Variants in C16orf96 observed in about 807,000 individuals in gnomAD.
The protein encoded by C16orf96 is uncharacterized protein C16orf96.
In C16orf96, 108 loss-of-function variants were observed where a neutral mutation model predicts 103.6. The ratio of observed to expected loss-of-function variants is 1.04; its 90% CI spans 0.89 to 1.22. C16orf96 has a LOEUF of 1.22. Among genes scored for constraint, C16orf96 ranks in the 50% most tolerant of loss-of-function variants. The pLI is 0.00. For synonymous variants in C16orf96, 566 were observed against 593.5 expected (o/e 0.95, Z 0.67); for missense variants, 1,586 against 1,464.2 (o/e 1.08, Z -1.36).
chr16:4,598,416 A>G (rs1047686754), intron 14 of C16orf96, among the ~76,000 whole-genome samples: 1 of 149,968 alleles, frequency 6.7e-6, no homozygotes, highest in East Asian at 2.0e-4. Context: ...CAGAAGGAAA[A>G]TTGGTGATTT....
chr16:4,556,957 C>G, intron 1 of C16orf96, 48 bp downstream of exon 1: 6 of 1,488,620 alleles, frequency 4.0e-6, no homozygotes, highest in Non-Finnish European at 5.4e-6. Context: ...TCACCACTGG[C>G]TCTCTCCTGG....
chr16:4,579,076 C>G (rs887400833), intron 6 of C16orf96, 51 bp downstream of exon 6: 14 of 1,486,602 alleles, frequency 9.4e-6, no homozygotes, highest in South Asian at 2.4e-5. Flanking sequence ...TTGAGGTGAG[C>G]TGGCTGAAGA....
At chr16:4,581,282 C>G (rs2059585883) in intron 7 of C16orf96, among the ~76,000 whole-genome samples, 1 of 148,972 alleles carries the variant, frequency 6.7e-6, no homozygotes, top group Non-Finnish European at 1.5e-5. Context: ...TTGCACTGAG[C>G]TGAGATTGCG....
In C16orf96 at chr16:4,600,341, T is replaced by C; in HGVS notation, c.*24T>C. The C allele has an allele frequency of 7.0e-7, 1 of 1,431,670 alleles. No individual in the cohort carries two copies. The highest frequency in any genetic ancestry group is 1.9e-5 in the African/African-American group (1 of 54,040). The allele number at this position is 1,431,670 out of a possible 1,614,324, so 88.7% of individuals were successfully genotyped here. A position where few individuals can be genotyped will look rare whatever the true frequency, so the allele number is the denominator to read the frequency against. On this transcript the variant is annotated 3_prime_UTR_variant, in exon 16 of 16. Transcript: ENST00000444310. Reference sequence around the variant, plus strand: ...GAGCCCCACCCCGCTGCGCCCCCCATCGCCAAGTCCCCTCCACGTCCGAGG... The same window carrying C: ...GAGCCCCACCCCGCTGCGCCCCCCACCGCCAAGTCCCCTCCACGTCCGAGG...
intron 1 of C16orf96, among the ~76,000 whole-genome samples, chr16:4,565,256 G>C (rs867392277): frequency 6.6e-5 from 10 of 152,110 alleles, no homozygotes; most frequent in Non-Finnish European, 1.5e-4. Context: ...TGTCGGGGAC[G>C]CACTTTCCCT....
chr16:4,555,467 G>T (rs751890360), upstream of C16orf96, among the ~76,000 whole-genome samples: 9 of 151,292 alleles, frequency 5.9e-5, no homozygotes, highest in African/African-American at 2.2e-4. Flanking sequence ...TCCACCTCCC[G>T]GATTTAAGCA....
chr16:4,587,630 T>C (rs1232851831), intron 8 of C16orf96, among the ~76,000 whole-genome samples: 1 of 151,074 alleles, frequency 6.6e-6, no homozygotes, highest in Admixed American at 6.6e-5. Context: ...TTATTAACAC[T>C]CTACTTGAAA....
rs768927075 is a variant in C16orf96 at position 4,592,333 on chromosome 16, TCCTGTGACCGG to T, written c.2747_2757del (p.Asp916GlyfsTer59). 6.4e-7 allele frequency: 1 copy of T among 1,551,694 alleles called. No homozygotes were observed. The highest frequency in any genetic ancestry group is 1.4e-5 in the African/African-American group (1 of 73,180). On this transcript the variant is annotated frameshift_variant, in exon 11 of 16. Transcript: ENST00000444310. LOFTEE classifies it high-confidence loss of function. ...GCTGTTCAAGCGCGTGAAGTGCATCTCCTGTGACCGGCCTGTGGAGATGATGACTGGCCCGT... is the reference window on the plus strand; with the variant it reads ...GCTGTTCAAGCGCGTGAAGTGCATCTCCTGTGGAGATGATGACTGGCCCGT...
intron 5 of C16orf96, 119 bp downstream of exon 5, chr16:4,576,754 C>A (rs1416646127): frequency 3.0e-6 from 3 of 1,003,516 alleles, no homozygotes; most frequent in East Asian, 2.6e-5. Context: ...CCACCATTAG[C>A]CATTCTTTCC....
Position 4,580,753 on chromosome 16 carries a change from G to A in C16orf96, c.2352+628G>A, listed in dbSNP as rs190113008. Among the ~76,000 whole-genome samples the A allele has an allele frequency of 1.8e-3, 272 of 152,146 alleles. 1 individual carries two copies. Among genetic ancestry groups the A allele is most frequent in the Middle Eastern group, 3.4e-3 (1 of 294 alleles). ...TATAATCCCAGCACTTTGGGAGGCCGAGGTGTGGTGGATCACTTGAGGTCA... is the reference window on the plus strand; with the variant it reads ...TATAATCCCAGCACTTTGGGAGGCCAAGGTGTGGTGGATCACTTGAGGTCA... On this transcript the variant is annotated intron_variant, in intron 7 of 15. Coordinates refer to ENST00000444310, the MANE Select transcript of C16orf96 (RefSeq NM_001145011.2).
intron 15 of C16orf96, 47 bp downstream of exon 15, chr16:4,599,411 G>T (rs1255845293): frequency 6.7e-7 from 1 of 1,483,672 alleles, no homozygotes; most frequent in African/African-American, 1.4e-5. Flanking sequence ...TTCTGGAAGG[G>T]TCTCCAGTCC....
At position 4,580,049 on chromosome 16, in the gene C16orf96, T is replaced by C. The variant is rs1050338262; in HGVS notation, c.2276T>C (p.Ile759Thr). The part of the protein sequence containing the change: ...EELERIWGNQ[I>T]EMMKDRYITL... Reference sequence around the variant, plus strand: ...CTTGAGAGAATTTGGGGCAACCAAATAGAGATGATGAAGGATCGCTACATC... The same window carrying C: ...CTTGAGAGAATTTGGGGCAACCAAACAGAGATGATGAAGGATCGCTACATC... The change falls in exon 7 of 16, where the codon ATA becomes ACA. Residue 759 changes from isoleucine (I) to threonine (T), a missense_variant. Transcript: ENST00000444310. 7 of 1,551,086 alleles carry C rather than the reference T, an allele frequency of 4.5e-6. No homozygotes were observed. The highest frequency in any genetic ancestry group is 1.7e-4 in the Middle Eastern group (1 of 6,012).
At chr16:4,587,541 AAAAAAAAG>A (rs1188300712) in intron 8 of C16orf96, among the ~76,000 whole-genome samples, 11 of 151,342 alleles carry the variant, frequency 7.3e-5, no homozygotes, top group East Asian at 5.8e-4. Context: ...AAAAAAAAAA[AAAAAAAAG>A]AAAGAAAGAA....
At chr16:4,582,009 C>T (rs570345237) in intron 7 of C16orf96, among the ~76,000 whole-genome samples, 5 of 152,032 alleles carry the variant, frequency 3.3e-5, no homozygotes, top group East Asian at 1.9e-4. Flanking sequence ...CGGCCAGGCG[C>T]GGTGGTTCAC....
chr16:4,559,785 A>G (rs12596870), intron 1 of C16orf96, among the ~76,000 whole-genome samples: 98,253 of 151,908 alleles, frequency 0.65, 35,190 homozygotes, highest in East Asian at 0.88. Context: ...CCTGACAACC[A>G]CTAATCTGCT....
intron 1 of C16orf96, among the ~76,000 whole-genome samples, chr16:4,570,527 C>T (rs943893487): frequency 6.9e-6 from 1 of 144,932 alleles, no homozygotes; most frequent in Admixed American, 7.2e-5. Flanking sequence ...TGCAGTGGTG[C>T]GATCTTGGCT....
chr16:4,569,166 C>T (rs1023566639), intron 1 of C16orf96, among the ~76,000 whole-genome samples: 4 of 151,794 alleles, frequency 2.6e-5, no homozygotes, highest in East Asian at 2.0e-4. Context: ...GATGGGGTTT[C>T]ACCATGTTGG....
chr16:4,571,071 A>T (rs1335115053), intron 1 of C16orf96, among the ~76,000 whole-genome samples: 1 of 152,174 alleles, frequency 6.6e-6, no homozygotes, highest in Non-Finnish European at 1.5e-5. Flanking sequence ...CTGCGGTCTC[A>T]GCTACTTGGG....
intron 1 of C16orf96, among the ~76,000 whole-genome samples, chr16:4,564,531 C>T (rs1215473181): frequency 2.0e-5 from 3 of 152,206 alleles, no homozygotes; most frequent in Non-Finnish European, 4.4e-5. Context: ...ATTTTTAAGG[C>T]TGGGCGTGGT....
Sources: allele counts gnomAD v4.1 joint callset (sites outside exome capture counted in the v4.1 genomes callset), GRCh38; gene constraint gnomAD v4.1.1; transcripts MANE v1.5; gene names NCBI Gene and HGNC (gene_info 2026-07-23, HGNC 2026-07-21).